TRPM3: variants seen among roughly 807,000 people sequenced by gnomAD.
TRPM3 encodes long transient receptor potential channel 3.
TRPM3 carries 77 observed loss-of-function variants against 181.2 expected under a neutral mutation model. That is an observed-to-expected ratio of 0.42 (90% confidence interval 0.35 to 0.51). TRPM3 has a LOEUF of 0.51. TRPM3 is among the 20% of genes least tolerant of loss of function. The pLI, the probability that TRPM3 is intolerant of heterozygous loss-of-function variation, is 0.01. For synonymous variants in TRPM3, 745 were observed against 796.4 expected (o/e 0.94, Z 1.09); for missense variants, 1,759 against 2,196.7 (o/e 0.80, Z 3.98).
intron 8 of TRPM3, among the ~76,000 whole-genome samples, chr9:70,682,797 A>G (rs2065799274): frequency 6.6e-6 from 1 of 152,208 alleles, no homozygotes; most frequent in Non-Finnish European, 1.5e-5. Flanking sequence ...TTGAGTTATT[A>G]TAGTACTCAA....
intron 1 of TRPM3, among the ~76,000 whole-genome samples, chr9:71,259,237 T>C (rs1031790012): frequency 5.3e-5 from 8 of 152,244 alleles, no homozygotes; most frequent in African/African-American, 1.9e-4. Context: ...TTCTTTTTTA[T>C]GGCTGCATAG....
chr9:71,195,411 T>C (rs181567349), intron 1 of TRPM3, among the ~76,000 whole-genome samples: 2 of 151,882 alleles, frequency 1.3e-5, no homozygotes, highest in East Asian at 1.9e-4. Context: ...CACTGTAAGA[T>C]AGCATCTCAT....
chr9:70,871,544 T>C (rs2095790107), intron 1 of TRPM3, among the ~76,000 whole-genome samples: 1 of 151,978 alleles, frequency 6.6e-6, no homozygotes, highest in Non-Finnish European at 1.5e-5. Flanking sequence ...GCATTTTGCT[T>C]AAGTGAAAAA....
chr9:71,063,169 T>C (rs1267502993), intron 1 of TRPM3, among the ~76,000 whole-genome samples: 1 of 152,076 alleles, frequency 6.6e-6, no homozygotes, highest in Non-Finnish European at 1.5e-5. Context: ...TCTTGATTCA[T>C]GTCTATCACA....
At chr9:70,639,950 T>A (rs1037232661) in intron 10 of TRPM3, among the ~76,000 whole-genome samples, 2 of 152,186 alleles carry the variant, frequency 1.3e-5, no homozygotes, top group African/African-American at 4.8e-5. Context: ...AAACCGAGTT[T>A]CAGGCTGCTG....
intron 5 of TRPM3, among the ~76,000 whole-genome samples, chr9:70,842,060 C>T (rs1334610150): frequency 1.3e-5 from 2 of 151,950 alleles, no homozygotes; most frequent in Non-Finnish European, 2.9e-5. Context: ...ATCTGTACTC[C>T]ATAAAGATAT....
chr9:70,584,799 AC>A (rs1462897581), intron 22 of TRPM3, among the ~76,000 whole-genome samples: 28 of 152,010 alleles, frequency 1.8e-4, no homozygotes, highest in African/African-American at 6.0e-4. Flanking sequence ...AACTTCAAAA[AC>A]CCTTGCAAAC....
At chr9:71,301,037 T>C (rs930429390) in intron 1 of TRPM3, among the ~76,000 whole-genome samples, 5 of 152,148 alleles carry the variant, frequency 3.3e-5, no homozygotes, top group Admixed American at 3.3e-4. Context: ...TTCATCACCA[T>C]CAAATGAATA....
At chr9:71,336,741 G>T (rs552014074) in intron 1 of TRPM3, among the ~76,000 whole-genome samples, 1 of 152,104 alleles carries the variant, frequency 6.6e-6, no homozygotes, top group Non-Finnish European at 1.5e-5. Flanking sequence ...CATGGTACTG[G>T]TACCAAAATA....
intron 5 of TRPM3, among the ~76,000 whole-genome samples, chr9:70,841,661 T>G (rs7874341): frequency 5.8e-5 from 5 of 86,080 alleles, no homozygotes; most frequent in Admixed American, 3.8e-4. Flanking sequence ...TATATATATA[T>G]CCCACCATAT....
At chr9:70,850,272 C>T (rs550653861) in intron 3 of TRPM3, among the ~76,000 whole-genome samples, 12 of 152,220 alleles carry the variant, frequency 7.9e-5, no homozygotes, top group Admixed American at 7.2e-4. Flanking sequence ...CCAATGTGTA[C>T]TTTTGTGCCA....
At chr9:71,268,950 C>T (rs1175519390) in intron 1 of TRPM3, among the ~76,000 whole-genome samples, 1 of 152,078 alleles carries the variant, frequency 6.6e-6, no homozygotes, top group Non-Finnish European at 1.5e-5. Context: ...AGGTTAGAGG[C>T]CATCTCAGCC....
chr9:70,982,992 C>A (rs2097378881), intron 1 of TRPM3, among the ~76,000 whole-genome samples: 1 of 152,182 alleles, frequency 6.6e-6, no homozygotes. Context: ...AGCCACCACA[C>A]CTGGCCAAGT....
chr9:71,215,238 T>TA (rs1276140717), intron 1 of TRPM3, among the ~76,000 whole-genome samples: 1 of 152,318 alleles, frequency 6.6e-6, no homozygotes, highest in East Asian at 1.9e-4. Context: ...TAATGTATGT[T>TA]AATAAGGCAC....
intron 1 of TRPM3, among the ~76,000 whole-genome samples, chr9:71,368,146 G>T (rs1353502841): frequency 6.6e-6 from 1 of 151,898 alleles, no homozygotes; most frequent in Non-Finnish European, 1.5e-5. Context: ...ATGTGCCACA[G>T]TGACCTTAAA....
At chr9:71,142,959 A>C (rs2075200233) in intron 1 of TRPM3, among the ~76,000 whole-genome samples, 1 of 131,058 alleles carries the variant, frequency 7.6e-6, no homozygotes, top group Non-Finnish European at 1.6e-5. Context: ...GGAAAATATA[A>C]AATTATTAAA....
intron 1 of TRPM3, among the ~76,000 whole-genome samples, chr9:71,428,403 T>A (rs1184922975): frequency 6.6e-6 from 1 of 152,096 alleles, no homozygotes; most frequent in Non-Finnish European, 1.5e-5. Flanking sequence ...TCAGCCTGTT[T>A]TTTTTAAACA....
At chr9:70,700,421 G>A (rs1435236108) in intron 8 of TRPM3, among the ~76,000 whole-genome samples, 1 of 152,164 alleles carries the variant, frequency 6.6e-6, no homozygotes, top group East Asian at 1.9e-4. Context: ...TGGAGGCCGG[G>A]ATAGGGGGGC....
intron 1 of TRPM3, among the ~76,000 whole-genome samples, chr9:71,043,422 T>C (rs1233909363): frequency 2.0e-5 from 3 of 152,200 alleles, no homozygotes; most frequent in African/African-American, 7.2e-5. Flanking sequence ...CTAGTGATTA[T>C]CTTTAATGTA....
Sources: gnomAD v4.1 joint callset for allele counts (sites outside exome capture counted in the v4.1 genomes callset) on GRCh38, gnomAD v4.1.1 for gene constraint, MANE v1.5 for transcripts, NCBI Gene and HGNC (gene_info 2026-07-23, HGNC 2026-07-21) for gene names.